The following TMC2 variants were observed in gnomAD, a reference collection of about 807,000 sequenced individuals.
TMC2 encodes transmembrane channel-like protein 2.
TMC2 carries 102 observed loss-of-function variants against 105.9 expected under a neutral mutation model. The observed-to-expected ratio is 0.96, with a 90% CI of 0.82 to 1.14. TMC2 has a LOEUF of 1.14. Among genes scored for constraint, TMC2 ranks in the 50% most tolerant of loss-of-function variants. The pLI is 0.00. For missense variants in TMC2, 1,093 were observed against 1,134.3 expected (o/e 0.96, Z 0.52); for synonymous variants, 402 against 422.8 (o/e 0.95, Z 0.60).
chr20:2,561,291 T>C (rs528229668), intron 3 of TMC2, among the ~76,000 whole-genome samples: 1 of 152,338 alleles, frequency 6.6e-6, no homozygotes, highest in East Asian at 1.9e-4. Context: ...TCTAAAACAA[T>C]TTGGGCAAAT....
Position 2,637,552 on chromosome 20 carries a change from A to G in TMC2, c.2464A>G (p.Ser822Gly). The G allele has an allele frequency of 6.2e-7, 1 of 1,614,118 alleles. No homozygotes were observed. The highest frequency in any genetic ancestry group is 8.5e-7 in the Non-Finnish European group (1 of 1,179,976). The stretch of plus-strand genomic sequence containing the variant: ...AGATTCAGAGGACACACCTAAAAGC[A>G]GCTCCAAAAATGCCACCCAGCTCCA... ...ARDSEDTPKS[S>G]SKNATQLQLT... The change falls in exon 19 of 20, where the codon AGC (serine) becomes GGC (glycine). Residue 822 changes from serine (S) to glycine (G), a missense_variant. Coordinates refer to ENST00000358864, the MANE Select transcript of TMC2 (RefSeq NM_080751.3).
At chr20:2,541,901 G>A (rs752424339) in intron 2 of TMC2, among the ~76,000 whole-genome samples, 82 of 55,008 alleles carry the variant, frequency 1.5e-3, no homozygotes, top group Non-Finnish European at 3.2e-3. Flanking sequence ...TGCATTTTCC[G>A]CCGTTTCCTA....
At chr20:2,598,156 T>G (rs1188946546) in intron 10 of TMC2, among the ~76,000 whole-genome samples, 1 of 149,694 alleles carries the variant, frequency 6.7e-6, no homozygotes, top group African/African-American at 2.5e-5. Context: ...AACTTATTCA[T>G]GTAACCAAAC....
intron 11 of TMC2, among the ~76,000 whole-genome samples, chr20:2,603,626 A>T (rs2086367586): frequency 6.6e-6 from 1 of 152,220 alleles, no homozygotes; most frequent in Admixed American, 6.5e-5. Flanking sequence ...CAAGTAATTA[A>T]TTAAAAGCCC....
intron 7 of TMC2, among the ~76,000 whole-genome samples, chr20:2,591,568 G>C (rs1228664103): frequency 3.9e-5 from 6 of 152,026 alleles, no homozygotes; most frequent in Admixed American, 3.3e-4. Context: ...AGCTGGGCGT[G>C]GGGGTACACA....
In TMC2 at chr20:2,548,781, T is replaced by C. The variant is rs114044825; in HGVS notation, c.83-9675T>C. Among the ~76,000 whole-genome samples the C allele has an allele frequency of 3.7e-3, 559 of 152,336 alleles. 4 individuals carry two copies. Among genetic ancestry groups the C allele is most frequent in the African/African-American group, 0.013 (543 of 41,578 alleles). ...CTGGCATACTACAAAATATAATTAC[T>C]GTTCACAAAAATGTTCAGAGTAATG... On this transcript the variant is annotated intron_variant, in intron 2 of 19. Coordinates refer to ENST00000358864, the MANE Select transcript of TMC2 (RefSeq NM_080751.3).
chr20:2,584,956 AC>A (rs1303767512), intron 7 of TMC2, among the ~76,000 whole-genome samples: 1 of 152,128 alleles, frequency 6.6e-6, no homozygotes, highest in East Asian at 1.9e-4. Flanking sequence ...TCTAGTACCC[AC>A]ATTGCAAGCA....
chr20:2,546,720 T>C (rs1444950713), intron 2 of TMC2, among the ~76,000 whole-genome samples: 1 of 152,188 alleles, frequency 6.6e-6, no homozygotes, highest in African/African-American at 2.4e-5. Context: ...TAGTTCTTTG[T>C]TGAAGACAAA....
At chr20:2,626,432 AG>A (rs2086564742) in intron 17 of TMC2, among the ~76,000 whole-genome samples, 1 of 152,164 alleles carries the variant, frequency 6.6e-6, no homozygotes. Context: ...GCTGAGTTTC[AG>A]GAGCAAGCAT....
chr20:2,605,817 TC>T (rs542534797), intron 11 of TMC2, among the ~76,000 whole-genome samples: 13 of 152,142 alleles, frequency 8.5e-5, no homozygotes, highest in Non-Finnish European at 1.5e-4. Context: ...TCCTCCCACC[TC>T]CAGTAACTAC....
At chr20:2,580,633 A>T (rs994201098) in intron 7 of TMC2, among the ~76,000 whole-genome samples, 5 of 152,074 alleles carry the variant, frequency 3.3e-5, no homozygotes, top group Non-Finnish European at 7.4e-5. Context: ...CCCAGGTTGG[A>T]GGGCAGTGAT....
In TMC2 at chr20:2,595,515, G is replaced by A. The variant is rs150465284; in HGVS notation, c.1076+548G>A. Among the ~76,000 whole-genome samples the A allele has an allele frequency of 8.9e-3, 1,359 of 152,050 alleles. 13 individuals carry two copies. Among genetic ancestry groups the A allele is most frequent in the Non-Finnish European group, 0.012 (805 of 67,992 alleles). On this transcript the variant is annotated intron_variant, in intron 9 of 19. Coordinates refer to ENST00000358864, the MANE Select transcript of TMC2 (RefSeq NM_080751.3). ...ATATGTGGCAGTGATTAACCATGGC[G>A]GCCTCTCTGGCCCCAACTCTACTTG...
intron 17 of TMC2, among the ~76,000 whole-genome samples, chr20:2,633,758 C>T (rs1646012383): frequency 1.8e-5 from 1 of 54,626 alleles, no homozygotes; most frequent in South Asian, 7.5e-4. Context: ...TACTACAGAA[C>T]TGGGTAGGGG....
At chr20:2,542,393 A>C (rs1430220309) in intron 2 of TMC2, among the ~76,000 whole-genome samples, 1 of 152,192 alleles carries the variant, frequency 6.6e-6, no homozygotes, top group African/African-American at 2.4e-5. Context: ...TTAAGCAGGT[A>C]AGAGTCTTCT....
intron 2 of TMC2, among the ~76,000 whole-genome samples, chr20:2,553,540 T>TTTTGTGTGACGG (rs1470898971): frequency 1.3e-5 from 2 of 151,886 alleles, no homozygotes; most frequent in African/African-American, 4.8e-5. Context: ...TACAGGTCTG[T>TTTTGTGTGACGG]TTTTGTCTGG....
At chr20:2,620,088 A>AAAAAG (rs2086514128) in intron 16 of TMC2, among the ~76,000 whole-genome samples, 2 of 152,310 alleles carry the variant, frequency 1.3e-5, no homozygotes, top group African/African-American at 2.4e-5. Context: ...CAAAAAAGAA[A>AAAAAG]AAAAGAAAAG....
rs970738001 is a variant in TMC2 at position 2,550,523 on chromosome 20, C to A, written c.83-7933C>A. On this transcript the variant is annotated intron_variant, in intron 2 of 19. Transcript: ENST00000358864. ...AAAGTGCATATTTTACACTAGAGTT[C>A]ACTCTTTATAGATTCCATAGGTTTT... Among the ~76,000 whole-genome samples, 11 of 152,232 alleles carry A rather than the reference C, an allele frequency of 7.2e-5. No homozygotes were observed. In the East Asian group the frequency reaches 1.9e-3, roughly 27 times the overall value.
At chr20:2,563,085 G>A (rs1021398681) in intron 4 of TMC2, among the ~76,000 whole-genome samples, 2 of 152,224 alleles carry the variant, frequency 1.3e-5, no homozygotes, top group Admixed American at 1.3e-4. Context: ...GTTGGGAGTG[G>A]CACTCCCCCC....
At chr20:2,621,397 G>A (rs1008899994) in intron 16 of TMC2, among the ~76,000 whole-genome samples, 2 of 150,456 alleles carry the variant, frequency 1.3e-5, no homozygotes, top group Admixed American at 1.3e-4. Context: ...GAAGGAGAGG[G>A]AGGGAGATTT....
Sources: gnomAD v4.1 joint callset for allele counts (sites outside exome capture counted in the v4.1 genomes callset) on GRCh38, gnomAD v4.1.1 for gene constraint, MANE v1.5 for transcripts, NCBI Gene and HGNC (gene_info 2026-07-23, HGNC 2026-07-21) for gene names.